Variants in CTCFL observed in about 807,000 individuals in gnomAD.
The protein encoded by CTCFL is CCCTC-binding factor like.
In CTCFL, 36 loss-of-function variants were observed where a neutral mutation model predicts 67.4. The observed-to-expected ratio is 0.53, with a 90% CI of 0.41 to 0.71. The LOEUF (loss-of-function observed/expected upper bound fraction) is 0.71. CTCFL is among the 30% of genes least tolerant of loss of function. CTCFL has a pLI of 0.00. For missense variants in CTCFL, 786 were observed against 835.2 expected, an observed-to-expected ratio of 0.94 and a Z score of 0.73; for synonymous variants, 324 against 302.3, an observed-to-expected ratio of 1.07 and a Z score of -0.75.
rs199650883 is a variant in CTCFL, at chr20:57,514,734, C to T, written c.1188G>A (p.Lys396=). 24 of 1,613,874 alleles carry T rather than the reference C, an allele frequency of 1.5e-5. No individual in the cohort carries two copies. In the Admixed American group the frequency reaches 2.0e-4, roughly 13 times the overall value. The change falls in exon 7 of 11, where the codon AAG becomes AAA. Residue 396 remains lysine, a synonymous_variant. Coordinates refer to ENST00000243914, the MANE Select transcript of CTCFL (RefSeq NM_001386993.1). The part of the protein sequence containing the change: ...KRHMRTHSGE[K]PYECHICHTR... ...TGTGGCAGATGTGGCATTCGTAAGG[C>T]TTCTCACCTGAGATGCAGACAACAA...
At chr20:57,506,579 G>A (rs2068219478) in intron 9 of CTCFL, among the ~76,000 whole-genome samples, 1 of 152,208 alleles carries the variant, frequency 6.6e-6, no homozygotes, top group African/African-American at 2.4e-5. Flanking sequence ...TGGGATTACA[G>A]GTGTGAACCA....
chr20:57,512,848 C>T (rs1030547670), intron 7 of CTCFL, 96 bp from the exon 8 acceptor site: 1 of 1,168,166 alleles, frequency 8.6e-7, no homozygotes, highest in Non-Finnish European at 1.2e-6. Flanking sequence ...AGCCTTGGCG[C>T]TGGAACATGC....
At chr20:57,518,426 G>C in intron 5 of CTCFL, 1 of 1,009,764 alleles carries the variant, frequency 9.9e-7, no homozygotes, top group Non-Finnish European at 1.4e-6. Flanking sequence ...CTACGTTAGA[G>C]CAAATACATT....
chr20:57,497,485 G>T lies in CTCFL; in HGVS notation c.*1065C>A, dbSNP rs2067739859. The T allele has an allele frequency of 1.0e-6, 1 of 985,282 alleles. No individual in the cohort carries two copies. The highest frequency in any genetic ancestry group is 6.2e-5 in the Admixed American group (1 of 16,258). 61.0% of individuals were successfully genotyped at this position (985,282 alleles called of 1,614,324 possible). A position where few individuals can be genotyped will look rare whatever the true frequency, so the allele number is the denominator to read the frequency against. ...TCTTGAAATACAGGGGTGGAGACAGGTTGGCAGCAAAACAAACTGCTCAAC... is the reference window on the plus strand; with the variant it reads ...TCTTGAAATACAGGGGTGGAGACAGTTTGGCAGCAAAACAAACTGCTCAAC... On this transcript the variant is annotated 3_prime_UTR_variant, in exon 11 of 11. Coordinates refer to ENST00000243914, the MANE Select transcript of CTCFL (RefSeq NM_001386993.1).
rs529881203 is a variant in CTCFL, at chr20:57,514,501, G to A, written c.1330+91C>T. The A allele has an allele frequency of 1.1e-5, 16 of 1,460,602 alleles. No individual in the cohort carries two copies. The East Asian group carries it at 3.4e-4, about 31-fold the overall frequency. 90.5% of individuals were successfully genotyped at this position (1,460,602 alleles called of 1,614,324 possible). A position where few individuals can be genotyped will look rare whatever the true frequency, so the allele number is the denominator to read the frequency against. On this transcript the variant is annotated intron_variant, in intron 7 of 10. Transcript: ENST00000243914. ...AAGTTCCCGAAGACCGGGCCTCCCA[G>A]TATCAGGGCCAGTACTTTGCAGGTT...
Position 57,523,683 on chromosome 20 carries a change from C to A in CTCFL, c.523G>T (p.Glu175Ter). 1 of 1,613,472 alleles carries A rather than the reference C, an allele frequency of 6.2e-7. No homozygotes were observed. The highest frequency in any genetic ancestry group is 8.5e-7 in the Non-Finnish European group (1 of 1,179,926). The change falls in exon 2 of 11, where the codon GAA becomes TAA. Residue 175 changes from glutamate to a stop codon, truncating the protein, a stop_gained. Transcript: ENST00000243914. LOFTEE classifies it high-confidence loss of function. ...TGTACCTTGATCAGTCCAGTAGTTT[C>A]AGCCAGGCTCACCGCTAACTTACTG... ...EDSKLAVSLA[E>*]TTGLIKLEEE...
At chr20:57,514,568 A>T in intron 7 of CTCFL, 24 bp downstream of exon 7, 1 of 1,612,958 alleles carries the variant, frequency 6.2e-7, no homozygotes. Flanking sequence ...GCTGTAGTAA[A>T]AGAAAGATCG....
intron 3 of CTCFL, among the ~76,000 whole-genome samples, chr20:57,522,508 C>CT (rs2146458091): frequency 6.6e-6 from 1 of 152,284 alleles, no homozygotes; most frequent in African/African-American, 2.4e-5. Flanking sequence ...ATCCACCTCT[C>CT]TGAGCACCCA....
At chr20:57,507,850 T>C (rs1189844634) in intron 9 of CTCFL, 3 of 702,906 alleles carry the variant, frequency 4.3e-6, no homozygotes, top group Non-Finnish European at 7.8e-6. Flanking sequence ...TAATCTGTCA[T>C]ACAGAAATAG....
chr20:57,498,612 C>T lies in CTCFL; in HGVS notation c.1930G>A (p.Val644Ile). ...PVACRETTAR[V>I]KEEVDEGVTC... ...ACGCCTTCATCCACTTCCTCTTTGA[C>T]TCTGGCTGTGGTTTCTCTGCAGGCG... The change falls in exon 11 of 11, where the codon GTC becomes ATC. Residue 644 changes from valine to isoleucine, a missense_variant. Physicochemically the swap from Val to Ile is conservative, Grantham distance 29. This residue lies in a region of CTCFL where 199 missense variants were observed against 196.7 expected (regional missense o/e 1.01). Transcript: ENST00000243914. The T allele has an allele frequency of 6.2e-7, 1 of 1,614,172 alleles. No homozygotes were observed. The highest frequency in any genetic ancestry group is 8.5e-7 in the Non-Finnish European group (1 of 1,180,010).
At chr20:57,525,235 G>C (rs1397164499), upstream of CTCFL, 1 of 138,550 alleles carries the variant, frequency 7.2e-6, no homozygotes. Flanking sequence ...GTACTGTGGG[G>C]GCAGGGGGGA....
At chr20:57,514,500 A>G in intron 7 of CTCFL, 92 bp downstream of exon 7, 1 of 1,443,968 alleles carries the variant, frequency 6.9e-7, no homozygotes, top group Non-Finnish European at 9.4e-7. Flanking sequence ...CGGGCCTCCC[A>G]GTATCAGGGC....
chr20:57,503,786 A>C (rs1600640103), intron 9 of CTCFL, among the ~76,000 whole-genome samples, 185 bp from the exon 10 acceptor site: 1 of 152,126 alleles, frequency 6.6e-6, no homozygotes, highest in Admixed American at 6.5e-5. Flanking sequence ...AGGTAATAGG[A>C]GGCCAGGCAC....
Position 57,523,139 on chromosome 20 carries a change from T to C in CTCFL, c.683A>G (p.Glu228Gly). 6.2e-7 allele frequency: 1 copy of C among 1,614,086 alleles called. No individual in the cohort carries two copies. The highest frequency in any genetic ancestry group is 8.5e-7 in the Non-Finnish European group (1 of 1,180,016). ...TVSNSNVEEQEDQPTAGQADA... is the reference protein window; with the variant it reads ...TVSNSNVEEQGDQPTAGQADA... ...TGCTTGACCAGCTGTAGGTTGATCC[T>C]CTTGTTCTTCCACATTTGAATTTGA... The change falls in exon 3 of 11, where the codon GAG (glutamate) becomes GGG (glycine). Residue 228 changes from glutamate to glycine, a missense_variant. Transcript: ENST00000243914.
downstream of CTCFL, chr20:57,496,189 G>T: frequency 1.9e-6 from 1 of 521,088 alleles, no homozygotes. Flanking sequence ...GACAGTGGCG[G>T]TTCTCAAGGA....
intron 10 of CTCFL, among the ~76,000 whole-genome samples, chr20:57,502,051 T>A (rs1443010302): frequency 1.3e-5 from 2 of 152,192 alleles, no homozygotes; most frequent in African/African-American, 4.8e-5. Flanking sequence ...GCATGGGCAG[T>A]GTGCACAATT....
chr20:57,500,054 G>A, intron 10 of CTCFL: 1 of 985,672 alleles, frequency 1.0e-6, no homozygotes. Context: ...TAACTTGTCT[G>A]AGGATATTTT....
At position 57,508,735 on chromosome 20, in the gene CTCFL, G is replaced by A. The variant is rs750141556; in HGVS notation, c.1545C>T (p.Thr515=). Residue 515 remains threonine, a synonymous_variant, in exon 9 of 11, where the codon ACC becomes ACT. Transcript: ENST00000243914. ...GGAAACATTTATTGCAAGAAAGGCAGGTGAATGGTTTCTCTCCAGTGTGGG... is the reference window on the plus strand; with the variant it reads ...GGAAACATTTATTGCAAGAAAGGCAAGTGAATGGTTTCTCTCCAGTGTGGG... ...IRTHTGEKPF[T]CLSCNKCFRQ... is the part of the protein sequence containing the mutation. 6.2e-7 allele frequency: 1 copy of A among 1,614,212 alleles called. No individual in the cohort carries two copies. The highest frequency in any genetic ancestry group is 1.1e-5 in the South Asian group (1 of 91,088).
intron 3 of CTCFL, among the ~76,000 whole-genome samples, chr20:57,522,435 T>C (rs1294418744): frequency 1.3e-5 from 2 of 152,234 alleles, no homozygotes; most frequent in African/African-American, 4.8e-5. Context: ...TGTGGGCTGC[T>C]GGAATGAAAT....
Sources: gnomAD v4.1 joint callset for allele counts (sites outside exome capture counted in the v4.1 genomes callset) on GRCh38, gnomAD v4.1.1 for gene constraint, gnomAD v4.1.1 regional missense constraint, MANE v1.5 for transcripts, NCBI Gene and HGNC (gene_info 2026-07-23, HGNC 2026-07-21) for gene names.